Variants in HEMK2 observed in about 807,000 individuals in gnomAD.
HEMK2 encodes HemK methyltransferase 2, ETF1 glutamine and histone H4 lysine, also known as methyltransferase HEMK2.
the HEMK2 span, among the ~76,000 whole-genome samples, chr21:28,657,033 T>C: frequency 1.3e-5 from 2 of 152,238 alleles, no homozygotes; most frequent in South Asian, 2.1e-4. Flanking sequence ...GTGGCATGGA[T>C]AGAGTAACAT....
At chr21:28,628,858 T>G in the HEMK2 span, among the ~76,000 whole-genome samples, 1 of 152,252 alleles carries the variant, frequency 6.6e-6, no homozygotes, top group African/African-American at 2.4e-5. Flanking sequence ...CCTGCATCCA[T>G]GTGCTCTGGC....
the HEMK2 span, among the ~76,000 whole-genome samples, chr21:28,612,411 T>C: frequency 6.6e-6 from 1 of 152,244 alleles, no homozygotes; most frequent in African/African-American, 2.4e-5. Context: ...TTCAGCAAGA[T>C]CGGCATACAA....
the HEMK2 span, among the ~76,000 whole-genome samples, chr21:28,675,976 C>A: frequency 9.2e-5 from 14 of 152,284 alleles, no homozygotes; most frequent in South Asian, 2.9e-3. Context: ...CATTACCCTG[C>A]CCCGTGGAAT....
At chr21:28,756,852 A>G in the HEMK2 span, among the ~76,000 whole-genome samples, 2 of 152,218 alleles carry the variant, frequency 1.3e-5, no homozygotes, top group Non-Finnish European at 2.9e-5. Flanking sequence ...GCATCTAGAC[A>G]ATGTTCTGAC....
chr21:28,824,428 T>C, the HEMK2 span, among the ~76,000 whole-genome samples: 1 of 152,236 alleles, frequency 6.6e-6, no homozygotes, highest in Admixed American at 6.5e-5. Flanking sequence ...TTTGTTATTG[T>C]TTTAAAAATT....
chr21:28,808,643 C>A, the HEMK2 span, among the ~76,000 whole-genome samples: 1 of 151,752 alleles, frequency 6.6e-6, no homozygotes, highest in Non-Finnish European at 1.5e-5. Flanking sequence ...ATTATAAATG[C>A]AGTTGTTTTT....
chr21:28,696,300 T>G, the HEMK2 span, among the ~76,000 whole-genome samples: 1 of 152,188 alleles, frequency 6.6e-6, no homozygotes, highest in Non-Finnish European at 1.5e-5. Context: ...GTACAGGCAT[T>G]GGGTAAATAT....
the HEMK2 span, among the ~76,000 whole-genome samples, chr21:28,758,062 C>T: frequency 7.2e-5 from 11 of 152,108 alleles, no homozygotes; most frequent in East Asian, 1.9e-4. Flanking sequence ...GGATGTATAA[C>T]GGATGATTTT....
At chr21:28,825,667 C>T in the HEMK2 span, among the ~76,000 whole-genome samples, 2 of 152,182 alleles carry the variant, frequency 1.3e-5, no homozygotes, top group Admixed American at 6.6e-5. Context: ...AAATTCAATG[C>T]GTAAGCAATC....
the HEMK2 span, among the ~76,000 whole-genome samples, chr21:28,718,415 G>A: frequency 1.3e-5 from 2 of 152,154 alleles, no homozygotes; most frequent in Admixed American, 1.3e-4. Context: ...GGCTGAAGTA[G>A]TCTGTAGAAG....
At chr21:28,820,109 C>A in the HEMK2 span, among the ~76,000 whole-genome samples, 1 of 152,140 alleles carries the variant, frequency 6.6e-6, no homozygotes, top group Non-Finnish European at 1.5e-5. Context: ...TGAAGGAGTT[C>A]AGGGAACTTG....
the HEMK2 span, among the ~76,000 whole-genome samples, chr21:28,776,954 G>A: frequency 6.0e-4 from 91 of 152,224 alleles, no homozygotes; most frequent in African/African-American, 2.2e-3. Context: ...ATCTCCTTTG[G>A]CAACACCCTC....
the HEMK2 span, among the ~76,000 whole-genome samples, chr21:28,842,056 A>C: frequency 1.3e-5 from 2 of 152,146 alleles, no homozygotes; most frequent in Non-Finnish European, 2.9e-5. Context: ...AACTATTACA[A>C]CTTTTGAGTT....
At chr21:28,857,259 T>C in the HEMK2 span, among the ~76,000 whole-genome samples, 2 of 151,018 alleles carry the variant, frequency 1.3e-5, no homozygotes, top group Non-Finnish European at 3.0e-5. Context: ...TGAATTTGAT[T>C]AAAAAAAAAC....
chr21:28,624,926 G>C, the HEMK2 span, among the ~76,000 whole-genome samples: 1 of 152,234 alleles, frequency 6.6e-6, no homozygotes, highest in East Asian at 1.9e-4. Flanking sequence ...TGAGCTAATA[G>C]ATGTCAAGGC....
chr21:28,684,045 T>G, the HEMK2 span, among the ~76,000 whole-genome samples: 1 of 152,206 alleles, frequency 6.6e-6, no homozygotes, highest in African/African-American at 2.4e-5. Context: ...TCTTAAACTA[T>G]TAAACTCTCC....
the HEMK2 span, among the ~76,000 whole-genome samples, chr21:28,839,815 G>A: frequency 5.3e-5 from 8 of 152,070 alleles, no homozygotes; most frequent in Admixed American, 5.2e-4. Flanking sequence ...CAAATTCAAT[G>A]CAATCCCCAT....
chr21:28,729,578 G>C, the HEMK2 span, among the ~76,000 whole-genome samples: 4 of 146,968 alleles, frequency 2.7e-5, no homozygotes, highest in Non-Finnish European at 5.9e-5. Context: ...ACTGGAAAAA[G>C]AGAACTGTCT....
chr21:28,594,188 A>C, the HEMK2 span, among the ~76,000 whole-genome samples: 2 of 152,338 alleles, frequency 1.3e-5, no homozygotes, highest in East Asian at 3.9e-4. Flanking sequence ...TGTCAAGGTA[A>C]TAAAAAGTAA....
Sources: allele counts gnomAD v4.1 joint callset (sites outside exome capture counted in the v4.1 genomes callset), GRCh38; gene constraint gnomAD v4.1.1; transcripts MANE v1.5; gene names NCBI Gene and HGNC (gene_info 2026-07-23, HGNC 2026-07-21).